The following ALOX12 variants were observed in gnomAD, a reference collection of about 807,000 sequenced individuals.
ALOX12 encodes polyunsaturated fatty acid lipoxygenase ALOX12.
A neutral mutation model predicts 85.5 loss-of-function variants in ALOX12; 62 were observed. That is an observed-to-expected ratio of 0.73 (90% CI 0.59 to 0.90). The LOEUF (loss-of-function observed/expected upper bound fraction) is 0.90, where lower values mean the gene tolerates loss of function less well. Among genes scored for constraint, ALOX12 ranks in the 40% least tolerant of loss-of-function variants. The pLI is 0.00. For synonymous variants in ALOX12, 299 were observed against 332.7 expected (o/e 0.90, Z 1.10); for missense variants, 751 against 856.5 (o/e 0.88, Z 1.54).
chr17:7,010,416 C>G lies in ALOX12; in HGVS notation c.1985C>G (p.Thr662Ser). 1 of 1,613,722 alleles carries G rather than the reference C, an allele frequency of 6.2e-7. No homozygotes were observed. Among genetic ancestry groups the G allele is most frequent in the South Asian group, 1.1e-5 (1 of 90,988 alleles). The change falls in exon 14 of 14, where the codon ACC (threonine) becomes AGC (serine). Residue 662 changes from threonine to serine, a missense_variant. Transcript: ENST00000251535. ...CCCAGCTGCATAGAGAACAGTGTCA[C>G]CATCTGAGCCCTAGAGTGACTCTAC... ...LKPSCIENSV[T>S]I
chr17:7,007,188 G>GC (rs1909129659), intron 11 of ALOX12, among the ~76,000 whole-genome samples: 1 of 152,112 alleles, frequency 6.6e-6, no homozygotes, highest in Non-Finnish European at 1.5e-5. Flanking sequence ...GGTTTCTTTG[G>GC]CTAATCCAAC....
chr17:6,999,671 C>T, intron 6 of ALOX12: 2 of 558,838 alleles, frequency 3.6e-6, no homozygotes, highest in South Asian at 2.2e-5. Context: ...TAGAATGGAT[C>T]CCCAGCACAC....
At chr17:7,001,423 C>T in intron 7 of ALOX12, 179 bp from the exon 8 acceptor site, 1 of 650,636 alleles carries the variant, frequency 1.5e-6, no homozygotes. Flanking sequence ...CTCCTGCCTT[C>T]CACCTGACAT....
chr17:6,996,743 T>G, intron 1 of ALOX12, 83 bp from the exon 2 acceptor site: 1 of 1,463,384 alleles, frequency 6.8e-7, no homozygotes, highest in South Asian at 1.4e-5. Flanking sequence ...GAAACTGAGG[T>G]TGCACAGGAG....
rs748500591 is a variant in ALOX12 at position 7,005,353 on chromosome 17, G to C, written c.1248+10G>C. The C allele has an allele frequency of 3.1e-6, 5 of 1,605,332 alleles. No individual in the cohort carries two copies. In the South Asian group the frequency reaches 5.5e-5, roughly 18 times the overall value. On this transcript the variant is annotated intron_variant, in intron 9 of 13. Transcript: ENST00000251535. Reference sequence around the variant, plus strand: ...AGGAATTTTTGATAAGGTGAGGAGGGTACGGGGCATGGGACTGCCTCATCC... The same window carrying C: ...AGGAATTTTTGATAAGGTGAGGAGGCTACGGGGCATGGGACTGCCTCATCC...
intron 11 of ALOX12, among the ~76,000 whole-genome samples, chr17:7,007,810 G>A (rs1909161502): frequency 6.6e-6 from 1 of 152,182 alleles, no homozygotes; most frequent in Admixed American, 6.5e-5. Context: ...GAACTTGGGA[G>A]GCGGAGGTTG....
At chr17:7,008,065 C>T (rs1909178419) in intron 11 of ALOX12, among the ~76,000 whole-genome samples, 1 of 152,158 alleles carries the variant, frequency 6.6e-6, no homozygotes, top group South Asian at 2.1e-4. Flanking sequence ...CAAGCTAGCA[C>T]TCTGTCCTCT....
In ALOX12 at chr17:6,999,431, G is replaced by C. The variant is rs770725491; in HGVS notation, c.772G>C (p.Glu258Gln). 1 of 1,614,184 alleles carries C rather than the reference G, an allele frequency of 6.2e-7. No homozygotes were observed. The highest frequency in any genetic ancestry group is 8.5e-7 in the Non-Finnish European group (1 of 1,180,014). Residue 258 changes from glutamate to glutamine, a missense_variant, in exon 6 of 14, where the codon GAA (glutamate) becomes CAA (glutamine). Glu to Gln is a conservative substitution (Grantham distance 29). Coordinates refer to ENST00000251535, the MANE Select transcript of ALOX12 (RefSeq NM_000697.3). The part of the protein sequence containing the change: ...PSRLVLPSGM[E>Q]ELQAQLEKEL... ...CAGGCTAGTGCTGCCCTCGGGGATGGAAGAGCTTCAGGCTCAACTGGAGAA... is the reference window on the plus strand; with the variant it reads ...CAGGCTAGTGCTGCCCTCGGGGATGCAAGAGCTTCAGGCTCAACTGGAGAA...
At chr17:7,008,742 T>A (rs1882266805) in intron 11 of ALOX12, among the ~76,000 whole-genome samples, 1 of 145,690 alleles carries the variant, frequency 6.9e-6, no homozygotes, top group African/African-American at 2.5e-5. Flanking sequence ...CAAGACTCCG[T>A]CTCAAAAAAA....
intron 2 of ALOX12, among the ~76,000 whole-genome samples, chr17:6,997,526 C>G (rs10852889): frequency 6.7e-6 from 1 of 149,888 alleles, no homozygotes; most frequent in African/African-American, 2.5e-5. Context: ...CCGCAGGAGA[C>G]GAGGAGGAAT....
At position 6,996,915 on chromosome 17, in the gene ALOX12, G is replaced by A. The variant is rs1345196792; in HGVS notation, c.225G>A (p.Ala75=). The change falls in exon 2 of 14, where the codon GCG becomes GCA. Residue 75 remains alanine, a synonymous_variant. Transcript: ENST00000251535. ...LRKHHWLVDD[A]WFCDRITVQG... Reference sequence around the variant, plus strand: ...AGCACCACTGGCTGGTGGACGACGCGTGGTTCTGCGACCGCATCACGGTGC... The same window carrying A: ...AGCACCACTGGCTGGTGGACGACGCATGGTTCTGCGACCGCATCACGGTGC... 2 of 1,612,746 alleles carry A rather than the reference G, an allele frequency of 1.2e-6. No homozygotes were observed. Among genetic ancestry groups the A allele is most frequent in the South Asian group, 1.1e-5 (1 of 90,774 alleles).
At chr17:6,996,749 A>G in intron 1 of ALOX12, 77 bp from the exon 2 acceptor site, 2 of 1,486,648 alleles carry the variant, frequency 1.3e-6, no homozygotes, top group South Asian at 1.3e-5. Context: ...GAGGTTGCAC[A>G]GGAGCGCGGC....
chr17:6,998,664 C>T lies in ALOX12; in HGVS notation c.420-51C>T, dbSNP rs761997732. The T allele has an allele frequency of 8.2e-5, 129 of 1,564,684 alleles. 2 individuals carry two copies. In the South Asian group the frequency reaches 1.4e-3, roughly 17 times the overall value. On this transcript the variant is annotated intron_variant, in intron 3 of 13. Transcript: ENST00000251535. ...TCCCTGCCCCTGCCCCTGCCCCTGGCCCCATCACTGACCATGACATCCTTC... is the reference window on the plus strand; with the variant it reads ...TCCCTGCCCCTGCCCCTGCCCCTGGTCCCATCACTGACCATGACATCCTTC...
At chr17:7,002,142 C>A in intron 8 of ALOX12, 1 of 354,924 alleles carries the variant, frequency 2.8e-6, no homozygotes, top group Non-Finnish European at 5.3e-6. Flanking sequence ...AAGAACCAAC[C>A]AGAGAACAGT....
Position 6,999,180 on chromosome 17 carries a change from G to T in ALOX12, c.646+124G>T, listed in dbSNP as rs547382075. On this transcript the variant is annotated intron_variant, in intron 5 of 13. Transcript: ENST00000251535. ...TATCATATCTGGTCAACTCAGAGAGGCCTTGAGAATGAAAACGCAGAAGCT... is the reference window on the plus strand; with the variant it reads ...TATCATATCTGGTCAACTCAGAGAGTCCTTGAGAATGAAAACGCAGAAGCT... 119 of 1,478,490 alleles carry T rather than the reference G, an allele frequency of 8.0e-5. No individual in the cohort carries two copies. In the African/African-American group the frequency reaches 1.3e-3, roughly 16 times the overall value. 91.6% of individuals were successfully genotyped at this position (1,478,490 alleles called of 1,614,324 possible). A position where few individuals can be genotyped will look rare whatever the true frequency, so the allele number is the denominator to read the frequency against.
At chr17:7,003,239 G>A (rs867536035) in intron 8 of ALOX12, among the ~76,000 whole-genome samples, 1 of 152,244 alleles carries the variant, frequency 6.6e-6, no homozygotes, top group South Asian at 2.1e-4. Flanking sequence ...TGCACACAAG[G>A]GTCAAGCCTG....
chr17:7,010,348 A>G lies in ALOX12; in HGVS notation c.1917A>G (p.Thr639=). 6.2e-7 allele frequency: 1 copy of G among 1,614,242 alleles called. No homozygotes were observed. The highest frequency in any genetic ancestry group is 8.5e-7 in the Non-Finnish European group (1 of 1,180,052). ...TGGAAAAGCTGGAAAAGGAGATTAC[A>G]GCCCGGAATGAGCAACTTGACTGGC... ...TDLEKLEKEI[T]ARNEQLDWPY... The change falls in exon 14 of 14, where the codon ACA becomes ACG. Residue 639 remains threonine (T), a synonymous_variant. Coordinates refer to ENST00000251535, the MANE Select transcript of ALOX12 (RefSeq NM_000697.3).
chr17:7,009,537 TG>T, intron 11 of ALOX12: 1 of 541,614 alleles, frequency 1.8e-6, no homozygotes, highest in African/African-American at 1.9e-5. Context: ...ATTTTACAGG[TG>T]AAAAAAACTG....
In ALOX12 at chr17:6,998,554, G is replaced by A. The variant is rs147149124; in HGVS notation, c.383G>A (p.Arg128Gln). ...DNALDMFQKH[R>Q]EKELKDRQQI... ...GCTTTGGACATGTTCCAGAAGCATC[G>A]AGAGAAGGAACTGAAAGACAGACAG... is the stretch of plus-strand genomic sequence containing the variant. Residue 128 changes from arginine to glutamine, a missense_variant, in exon 3 of 14, where the codon CGA (arginine) becomes CAA (glutamine). Transcript: ENST00000251535. The A allele has an allele frequency of 1.7e-5, 28 of 1,613,892 alleles. No homozygotes were observed. In the African/African-American group the frequency reaches 2.4e-4, roughly 14 times the overall value.
Sources: allele counts gnomAD v4.1 joint callset (sites outside exome capture counted in the v4.1 genomes callset), GRCh38; gene constraint gnomAD v4.1.1; transcripts MANE v1.5; gene names NCBI Gene and HGNC (gene_info 2026-07-23, HGNC 2026-07-21).